Variants in PXDNL observed in about 807,000 individuals in gnomAD.
PXDNL encodes probable oxidoreductase PXDNL.
PXDNL carries 145 observed loss-of-function variants against 150.8 expected under a neutral mutation model. The ratio of observed to expected loss-of-function variants is 0.96; its 90% confidence interval spans 0.84 to 1.10. PXDNL has a LOEUF of 1.10. Ranked by LOEUF, PXDNL falls within the 50% of genes least tolerant of loss-of-function variation. PXDNL has a pLI of 0.00. For missense variants in PXDNL, 2,087 were observed against 1,873.9 expected, an observed-to-expected ratio of 1.11 and a Z score of -2.10; for synonymous variants, 757 against 725.7, an observed-to-expected ratio of 1.04 and a Z score of -0.69.
intron 4 of PXDNL, among the ~76,000 whole-genome samples, chr8:51,515,229 AGG>A (rs1447269455): frequency 2.0e-5 from 3 of 152,116 alleles, no homozygotes; most frequent in Admixed American, 2.0e-4. Flanking sequence ...CAGGCTCTTC[AGG>A]GGCTCAGTGG....
intron 1 of PXDNL, among the ~76,000 whole-genome samples, chr8:51,808,097 A>G (rs924475334): frequency 1.3e-5 from 2 of 152,234 alleles, no homozygotes; most frequent in African/African-American, 4.8e-5. Flanking sequence ...ATACCATCAA[A>G]TTGGACTTTT....
Position 51,409,490 on chromosome 8 carries a change from G to T in PXDNL, c.2134C>A (p.Arg712Ser), listed in dbSNP as rs986221061. ...TTGGAGCAGTTTGGCAGAGGCCTGC[G>T]AGCTGTGCATCCAGATAAATTGGCG... ...LIANLSGCTA[R>S]RPLPNCSNRC... The change falls in exon 17 of 23, where the codon CGC (arginine) becomes AGC (serine). Residue 712 changes from arginine (R) to serine (S), a missense_variant. Transcript: ENST00000356297. 5 of 1,612,070 alleles carry T rather than the reference G, an allele frequency of 3.1e-6. No individual in the cohort carries two copies. The African/African-American group carries it at 6.7e-5, about 22-fold the overall frequency.
chr8:51,511,716 C>G (rs904803674), intron 4 of PXDNL, among the ~76,000 whole-genome samples: 1 of 152,178 alleles, frequency 6.6e-6, no homozygotes, highest in African/African-American at 2.4e-5. Context: ...ACATCAATCA[C>G]CAACCAATCA....
rs888847311 is a variant in PXDNL at position 51,755,442 on chromosome 8, C to A, written c.164+53739G>T. Among the ~76,000 whole-genome samples, 6 of 152,042 alleles carry A rather than the reference C, an allele frequency of 3.9e-5. No individual in the cohort carries two copies. The East Asian group carries it at 7.8e-4, about 20-fold the overall frequency. On this transcript the variant is annotated intron_variant, in intron 1 of 22. Coordinates refer to ENST00000356297, the MANE Select transcript of PXDNL (RefSeq NM_144651.5). ...CCTGAGTAGCTGGGATTACAGGCGC[C>A]CACCACCACACTCGACTAATTTTTG...
At chr8:51,331,697 C>T (rs752753446) in intron 21 of PXDNL, among the ~76,000 whole-genome samples, 10 of 152,092 alleles carry the variant, frequency 6.6e-5, no homozygotes, top group Non-Finnish European at 1.2e-4. Context: ...TGGATGAGGC[C>T]TGTGACTGCC....
chr8:51,809,329 A>C lies in PXDNL; in HGVS notation c.16T>G (p.Phe6Val). The change falls in exon 1 of 23, where the codon TTC (phenylalanine) becomes GTC (valine). Residue 6 changes from phenylalanine to valine, a missense_variant. Transcript: ENST00000356297. Reference sequence around the variant, plus strand: ...AGGAGAAAGAGAGTGGTCCAGCAGAACAGTCTGGGCTCCATCGCTCCATTC... The same window carrying C: ...AGGAGAAAGAGAGTGGTCCAGCAGACCAGTCTGGGCTCCATCGCTCCATTC... MEPRLFCWTTLFLLAG... is the reference protein window; with the variant it reads MEPRLVCWTTLFLLAG... The C allele has an allele frequency of 6.4e-7, 1 of 1,559,892 alleles. No homozygotes were observed. The highest frequency in any genetic ancestry group is 8.7e-7 in the Non-Finnish European group (1 of 1,152,260).
chr8:51,774,422 A>G (rs1032668877), intron 1 of PXDNL, among the ~76,000 whole-genome samples: 2 of 152,176 alleles, frequency 1.3e-5, no homozygotes, highest in East Asian at 1.9e-4. Flanking sequence ...TAAATTGTCC[A>G]TGGTTAGGAA....
chr8:51,615,526 T>A (rs189154661), intron 2 of PXDNL, among the ~76,000 whole-genome samples: 1 of 151,724 alleles, frequency 6.6e-6, no homozygotes, highest in East Asian at 1.9e-4. Context: ...ACTTAAAGAG[T>A]CTGGGGGGAA....
chr8:51,320,912 A>G lies in PXDNL; in HGVS notation c.4147-15T>C. On this transcript the variant is annotated splice_polypyrimidine_tract_variant and intron_variant, in intron 21 of 22. Transcript: ENST00000356297. ...AGCTTGTTTATCTGAAAGGGGAGGC[A>G]AAGGAAAGAAGAGTGGAAATTGAAG... 6.3e-7 allele frequency: 1 copy of G among 1,586,500 alleles called. No homozygotes were observed. Among genetic ancestry groups the G allele is most frequent in the Non-Finnish European group, 8.7e-7 (1 of 1,155,594 alleles).
Position 51,517,663 on chromosome 8 carries a change from A to G in PXDNL, c.381-17893T>C, listed in dbSNP as rs538252722. 1.7e-3 allele frequency among the ~76,000 whole-genome samples: 265 copies of G among 152,298 alleles called. 1 individual carries two copies. Among genetic ancestry groups the G allele is most frequent in the African/African-American group, 6.1e-3 (254 of 41,568 alleles). On this transcript the variant is annotated intron_variant, in intron 4 of 22. Transcript: ENST00000356297. ...ACTATTATATGTGTAATTGCCTCTT[A>G]TATGTTTTATCAAGGGATAATTTTA...
chr8:51,525,971 A>C (rs1811761720), intron 4 of PXDNL, among the ~76,000 whole-genome samples: 1 of 152,242 alleles, frequency 6.6e-6, no homozygotes. Flanking sequence ...ATGCTCACTC[A>C]TACGGTTCTT....
At chr8:51,581,197 G>T (rs1382992617) in intron 3 of PXDNL, among the ~76,000 whole-genome samples, 2 of 152,100 alleles carry the variant, frequency 1.3e-5, no homozygotes, top group East Asian at 3.9e-4. Flanking sequence ...CCAATCATCT[G>T]TAAGGTTGAC....
At chr8:51,530,640 T>C (rs890338283) in intron 4 of PXDNL, among the ~76,000 whole-genome samples, 2 of 152,158 alleles carry the variant, frequency 1.3e-5, no homozygotes, top group Non-Finnish European at 2.9e-5. Flanking sequence ...CTGCTTTTCC[T>C]TAAACACACA....
intron 1 of PXDNL, among the ~76,000 whole-genome samples, chr8:51,724,853 T>C (rs1290478655): frequency 6.6e-6 from 1 of 152,142 alleles, no homozygotes; most frequent in Non-Finnish European, 1.5e-5. Context: ...TCACTAAAAT[T>C]CACGTGTGTT....
chr8:51,624,403 T>C (rs1284159216), intron 2 of PXDNL, among the ~76,000 whole-genome samples: 1 of 152,152 alleles, frequency 6.6e-6, no homozygotes, highest in South Asian at 2.1e-4. Context: ...CAAAATTGTT[T>C]TGGTACTATT....
rs532383609 is a variant in PXDNL, at chr8:51,515,192, T to C, written c.381-15422A>G. ...GGACAGTGAGGGACAATCGGGGTGA[T>C]ATGGAAGCACCCTGGTCATGGACTT... On this transcript the variant is annotated intron_variant, in intron 4 of 22. Transcript: ENST00000356297. Among the ~76,000 whole-genome samples the C allele has an allele frequency of 1.0e-3, 154 of 152,148 alleles. 1 individual carries two copies. The highest frequency in any genetic ancestry group is 3.4e-3 in the African/African-American group (141 of 41,506).
At chr8:51,325,754 TA>T (rs1472135764) in intron 21 of PXDNL, among the ~76,000 whole-genome samples, 1 of 152,134 alleles carries the variant, frequency 6.6e-6, no homozygotes, top group Non-Finnish European at 1.5e-5. Flanking sequence ...GATGACCCCC[TA>T]GTTTCCTACT....
intron 8 of PXDNL, among the ~76,000 whole-genome samples, chr8:51,469,670 T>C (rs1045254055): frequency 2.0e-5 from 3 of 152,028 alleles, no homozygotes; most frequent in Admixed American, 2.0e-4. Flanking sequence ...AGCTTCTGAG[T>C]TGGGGTATTT....
chr8:51,551,815 A>ATC (rs1812492825), intron 4 of PXDNL, among the ~76,000 whole-genome samples: 1 of 152,222 alleles, frequency 6.6e-6, no homozygotes, highest in South Asian at 2.1e-4. Flanking sequence ...AAAAACAAAG[A>ATC]TAAATAGATG....
Sources: allele counts gnomAD v4.1 joint callset (sites outside exome capture counted in the v4.1 genomes callset), GRCh38; gene constraint gnomAD v4.1.1; transcripts MANE v1.5; gene names NCBI Gene and HGNC (gene_info 2026-07-23, HGNC 2026-07-21).